Variants in TMEM181 observed in about 807,000 individuals in gnomAD.
The protein encoded by TMEM181 is G protein-coupled receptor 178.
A neutral mutation model predicts 71.9 loss-of-function variants in TMEM181; 39 were observed. The ratio of observed to expected loss-of-function variants is 0.54; its 90% CI spans 0.42 to 0.71. TMEM181 has a LOEUF of 0.71. Among genes scored for constraint, TMEM181 ranks in the 30% least tolerant of loss-of-function variants. The pLI is 0.00. For synonymous variants in TMEM181, 245 were observed against 228.8 expected (o/e 1.07, Z -0.64); for missense variants, 595 against 583.0 (o/e 1.02, Z -0.21).
At chr6:158,628,012 G>A (rs997802151) in intron 13 of TMEM181, among the ~76,000 whole-genome samples, 30 of 152,226 alleles carry the variant, frequency 2.0e-4, no homozygotes, top group Non-Finnish European at 4.0e-4. Flanking sequence ...TGACGAAGGA[G>A]AAGCAGGCTT....
intron 1 of TMEM181, among the ~76,000 whole-genome samples, chr6:158,542,815 G>A (rs895848018): frequency 6.6e-6 from 1 of 151,100 alleles, no homozygotes; most frequent in African/African-American, 2.4e-5. Flanking sequence ...ATGTTGCCCA[G>A]GCTGGTCTCG....
chr6:158,538,682 TCTGCTCTC>T (rs1781227119), intron 1 of TMEM181, among the ~76,000 whole-genome samples: 1 of 152,186 alleles, frequency 6.6e-6, no homozygotes, highest in Non-Finnish European at 1.5e-5. Context: ...AGACAGGGTC[TCTGCTCTC>T]CTGGGGCTTA....
chr6:158,619,188 G>A (rs1030097324), intron 10 of TMEM181, among the ~76,000 whole-genome samples: 6 of 152,164 alleles, frequency 3.9e-5, no homozygotes, highest in East Asian at 3.9e-4. Context: ...GGCTTTGTTC[G>A]TTTCTTTTTA....
At chr6:158,619,516 A>C (rs546846469) in intron 10 of TMEM181, among the ~76,000 whole-genome samples, 3 of 152,222 alleles carry the variant, frequency 2.0e-5, no homozygotes, top group Middle Eastern at 3.4e-3. Context: ...AAAGTCATTC[A>C]GAGGAAGGAG....
intron 4 of TMEM181, among the ~76,000 whole-genome samples, chr6:158,584,660 ATG>A (rs1783666784): frequency 6.6e-6 from 1 of 152,268 alleles, no homozygotes; most frequent in African/African-American, 2.4e-5. Flanking sequence ...TGTGCCTCAC[ATG>A]AGACACTCTG....
At position 158,585,381 on chromosome 6, in the gene TMEM181, C is replaced by G. The variant is rs1436542980; in HGVS notation, c.337C>G (p.His113Asp). The G allele has an allele frequency of 6.2e-7, 1 of 1,612,220 alleles. No individual in the cohort carries two copies. The highest frequency in any genetic ancestry group is 1.7e-5 in the Admixed American group (1 of 59,322). The change falls in exon 5 of 17, where the codon CAT becomes GAT. Residue 113 changes from histidine to aspartate, a missense_variant. Physicochemically the swap from His to Asp is moderately conservative, Grantham distance 81. Transcript: ENST00000684151. ...VAQDGTTMYIHNKVHNRTRTL... is the reference protein window; with the variant it reads ...VAQDGTTMYIDNKVHNRTRTL... Reference sequence around the variant, plus strand: ...TCAAGATGGAACCACGATGTACATTCATAACAAAGTTCACAACCGGACAAG... The same window carrying G: ...TCAAGATGGAACCACGATGTACATTGATAACAAAGTTCACAACCGGACAAG...
intron 5 of TMEM181, among the ~76,000 whole-genome samples, chr6:158,586,744 T>C (rs1322047364): frequency 6.6e-6 from 1 of 152,206 alleles, no homozygotes; most frequent in East Asian, 1.9e-4. Context: ...GACTGGCCTC[T>C]CATTCTGCTT....
chr6:158,569,853 G>A (rs1055188019), intron 1 of TMEM181, among the ~76,000 whole-genome samples: 5 of 152,084 alleles, frequency 3.3e-5, no homozygotes, highest in African/African-American at 1.2e-4. Context: ...TGCCTGCCTC[G>A]GCCTCCCATG....
At chr6:158,566,317 C>T (rs1362561284) in intron 1 of TMEM181, among the ~76,000 whole-genome samples, 1 of 151,930 alleles carries the variant, frequency 6.6e-6, no homozygotes, top group Non-Finnish European at 1.5e-5. Context: ...TGCATCCTCT[C>T]GCAAGCCCGA....
intron 15 of TMEM181, among the ~76,000 whole-genome samples, chr6:158,630,744 AG>A (rs922645601): frequency 1.5e-4 from 22 of 151,296 alleles, no homozygotes; most frequent in African/African-American, 4.6e-4. Context: ...ACATACAAAA[AG>A]TCACCTAATA....
chr6:158,546,465 G>A (rs1781529154), intron 1 of TMEM181, among the ~76,000 whole-genome samples: 1 of 152,158 alleles, frequency 6.6e-6, no homozygotes, highest in African/African-American at 2.4e-5. Context: ...AGACCAAAGG[G>A]CAAAAATAGA....
At chr6:158,550,913 A>G (rs1781701223) in intron 1 of TMEM181, among the ~76,000 whole-genome samples, 2 of 142,524 alleles carry the variant, frequency 1.4e-5, no homozygotes, top group Admixed American at 7.0e-5. Context: ...AAAAAAAAAA[A>G]GAACCAATAA....
chr6:158,559,688 G>A (rs1043613578), upstream of TMEM181, among the ~76,000 whole-genome samples: 1 of 152,112 alleles, frequency 6.6e-6, no homozygotes, highest in African/African-American at 2.4e-5. Context: ...AACCTTTTTT[G>A]GGGTCACAAG....
At chr6:158,590,749 A>C (rs1027665470) in intron 6 of TMEM181, among the ~76,000 whole-genome samples, 4 of 152,230 alleles carry the variant, frequency 2.6e-5, no homozygotes, top group Admixed American at 2.0e-4. Context: ...GGCGTGAGCC[A>C]CCGCGCCCGG....
chr6:158,572,746 C>T (rs565483582), intron 1 of TMEM181, among the ~76,000 whole-genome samples: 2 of 152,132 alleles, frequency 1.3e-5, no homozygotes, highest in Admixed American at 6.5e-5. Context: ...CCTGGGAGGG[C>T]GAGTGAGTTT....
intron 2 of TMEM181, among the ~76,000 whole-genome samples, chr6:158,577,670 A>G (rs1017672102): frequency 1.4e-4 from 21 of 150,996 alleles, no homozygotes; most frequent in Middle Eastern, 3.4e-3. Flanking sequence ...AGCCAAAGAC[A>G]GAATCTTGAA....
At chr6:158,593,232 A>G (rs1384167941) in intron 6 of TMEM181, among the ~76,000 whole-genome samples, 2 of 152,254 alleles carry the variant, frequency 1.3e-5, no homozygotes, top group African/African-American at 4.8e-5. Flanking sequence ...TTCTGTAGCT[A>G]CTAAAATAAT....
At position 158,598,625 on chromosome 6, in the gene TMEM181, G is replaced by GT. The variant is rs5881281; in HGVS notation, c.493-6631dup. On this transcript the variant is annotated intron_variant, in intron 6 of 16. Transcript: ENST00000684151. ...AGTATTCCTGGACAGTGCGTTTCAT[G>GT]TTTTTTTTTTTATTTTTATTTTTTT... Among the ~76,000 whole-genome samples the GT allele has an allele frequency of 1.6e-3, 232 of 145,172 alleles. 1 individual carries two copies. In the South Asian group the frequency reaches 0.024, roughly 15 times the overall value.
intron 1 of TMEM181, among the ~76,000 whole-genome samples, chr6:158,544,182 A>AGAGTGTGTGTGTGTGTGTGTGT (rs149735409): frequency 2.4e-5 from 3 of 127,562 alleles, no homozygotes; most frequent in African/African-American, 9.1e-5. Context: ...AATTGGAGAG[A>AGAGTGTGTGTGTGTGTGTGTGT]GTGTGTGTGT....
Sources: allele counts gnomAD v4.1 joint callset (sites outside exome capture counted in the v4.1 genomes callset), GRCh38; gene constraint gnomAD v4.1.1; transcripts MANE v1.5; gene names NCBI Gene and HGNC (gene_info 2026-07-23, HGNC 2026-07-21).